Variants in EXOC4 observed in about 807,000 individuals in gnomAD.
EXOC4 encodes the protein exocyst complex component 4.
Under a neutral mutation model 107.2 loss-of-function variants are expected in EXOC4, and 71 were observed. The observed-to-expected ratio is 0.66, with a 90% confidence interval of 0.55 to 0.81. The LOEUF (loss-of-function observed/expected upper bound fraction) is 0.81, where lower values mean the gene tolerates loss of function less well. EXOC4 is among the 30% of genes least tolerant of loss of function. The pLI is 0.00. For missense variants in EXOC4, 1,108 were observed against 1,189.6 expected, an observed-to-expected ratio of 0.93 and a Z score of 1.01; for synonymous variants, 456 against 441.2, an observed-to-expected ratio of 1.03 and a Z score of -0.42.
intron 7 of EXOC4, among the ~76,000 whole-genome samples, chr7:133,445,617 T>TGCAAACAA (rs1554454123): frequency 6.6e-6 from 1 of 150,468 alleles, no homozygotes; most frequent in African/African-American, 2.4e-5. Context: ...GGACAGTTAC[T>TGCAAACAA]ACAAACAAAC....
chr7:133,829,395 C>T (rs1797764674), intron 11 of EXOC4, among the ~76,000 whole-genome samples: 2 of 152,170 alleles, frequency 1.3e-5, no homozygotes, highest in African/African-American at 4.8e-5. Flanking sequence ...AGGCAGAGAG[C>T]CTGGGGTCCC....
chr7:133,928,093 A>G (rs377388516), intron 13 of EXOC4, among the ~76,000 whole-genome samples: 1 of 152,176 alleles, frequency 6.6e-6, no homozygotes, highest in Non-Finnish European at 1.5e-5. Context: ...TCTAAATTTC[A>G]TTTTTATTTA....
chr7:134,044,693 G>A (rs1585347935), intron 17 of EXOC4, among the ~76,000 whole-genome samples: 1 of 152,192 alleles, frequency 6.6e-6, no homozygotes, highest in South Asian at 2.1e-4. Context: ...TTAGCACAAT[G>A]TGCACACTTG....
At chr7:133,408,074 T>C (rs1304366657) in intron 7 of EXOC4, among the ~76,000 whole-genome samples, 3 of 151,958 alleles carry the variant, frequency 2.0e-5, no homozygotes, top group Non-Finnish European at 2.9e-5. Context: ...GTTGATGGTG[T>C]AATAGATGAT....
chr7:133,895,468 A>T (rs545914847), intron 11 of EXOC4, 131 bp from the exon 12 acceptor site: 2 of 940,964 alleles, frequency 2.1e-6, no homozygotes, highest in South Asian at 1.6e-5. Context: ...TTTTGAGTTC[A>T]TATTTCAAAA....
chr7:133,552,231 C>T (rs1457251224), intron 9 of EXOC4, among the ~76,000 whole-genome samples: 3 of 152,126 alleles, frequency 2.0e-5, no homozygotes, highest in Non-Finnish European at 2.9e-5. Flanking sequence ...ATTCAGACCT[C>T]ATAAAAATGC....
At chr7:133,357,235 A>T (rs1374263306) in intron 6 of EXOC4, among the ~76,000 whole-genome samples, 1 of 152,238 alleles carries the variant, frequency 6.6e-6, no homozygotes, top group Non-Finnish European at 1.5e-5. Context: ...TATGTATATT[A>T]TCTCACTTAA....
intron 9 of EXOC4, among the ~76,000 whole-genome samples, chr7:133,568,750 T>C (rs2150957152): frequency 6.6e-6 from 1 of 152,250 alleles, no homozygotes. Context: ...TGGGAATGCA[T>C]AGACAGGAAT....
chr7:133,339,194 A>T (rs1795601777), intron 5 of EXOC4, among the ~76,000 whole-genome samples: 1 of 152,038 alleles, frequency 6.6e-6, no homozygotes, highest in Admixed American at 6.6e-5. Flanking sequence ...TGTGAATGCC[A>T]TTATTTTGTT....
rs140933292 is a variant in EXOC4 at position 133,843,629 on chromosome 7, C to A, written c.1734+26085C>A. On this transcript the variant is annotated intron_variant, in intron 11 of 17. Coordinates refer to ENST00000253861, the MANE Select transcript of EXOC4 (RefSeq NM_021807.4). ...TCTGAAAACAGGAATAGTTTGACTTCCTCTCTTCCTATTTGGATGCCTTTT... is the reference window on the plus strand; with the variant it reads ...TCTGAAAACAGGAATAGTTTGACTTACTCTCTTCCTATTTGGATGCCTTTT... 3.1e-4 allele frequency among the ~76,000 whole-genome samples: 47 copies of A among 152,264 alleles called. 1 individual carries two copies. The highest frequency in any genetic ancestry group is 1.1e-3 in the African/African-American group (47 of 41,546).
In EXOC4 at chr7:133,857,261, A is replaced by G. The variant is rs1210583011; in HGVS notation, c.1735-38338A>G. 9.0e-5 allele frequency among the ~76,000 whole-genome samples: 4 copies of G among 44,448 alleles called. 1 individual carries two copies. Among genetic ancestry groups the G allele is most frequent in the African/African-American group, 6.0e-4 (4 of 6,618 alleles). The allele number at this position is 44,448 out of a possible 152,430, so 29.2% of individuals were successfully genotyped here. On this transcript the variant is annotated intron_variant, in intron 11 of 17. Coordinates refer to ENST00000253861, the MANE Select transcript of EXOC4 (RefSeq NM_021807.4). ...TAGTGTCACATATATATATATATAT[A>G]TATATATATATACACGTATATATAT... is the stretch of plus-strand genomic sequence containing the variant.
At chr7:133,672,369 C>G (rs1376945092) in intron 10 of EXOC4, among the ~76,000 whole-genome samples, 4 of 140,840 alleles carry the variant, frequency 2.8e-5, no homozygotes, top group African/African-American at 1.1e-4. Context: ...CCAGCCTGGG[C>G]GACAGAGTGA....
In EXOC4 at chr7:133,331,461, CTTTTTTTTTTTTTTTTT is replaced by C. The variant is rs58568173; in HGVS notation, c.763+14078_763+14094del. On this transcript the variant is annotated intron_variant, in intron 5 of 17. Coordinates refer to ENST00000253861, the MANE Select transcript of EXOC4 (RefSeq NM_021807.4). ...TCAGGTATTATCTTCTTTCTTTTTT[CTTTTTTTTTTTTTTTTT>C]TTTTTTGAGATGGAGTCTCGCTGTC... 1.6e-4 allele frequency among the ~76,000 whole-genome samples: 14 copies of C among 85,602 alleles called. 1 individual carries two copies. Among genetic ancestry groups the C allele is most frequent in the Non-Finnish European group, 3.0e-4 (13 of 43,956 alleles). The allele number at this position is 85,602 out of a possible 152,430, so 56.2% of individuals were successfully genotyped here.
chr7:133,513,827 T>G, intron 9 of EXOC4, among the ~76,000 whole-genome samples: 1 of 152,218 alleles, frequency 6.6e-6, no homozygotes, highest in South Asian at 2.1e-4. Flanking sequence ...TTTTGTTTAC[T>G]TTCAATTCTT....
chr7:133,457,345 T>C (rs1798486474), intron 7 of EXOC4, among the ~76,000 whole-genome samples: 1 of 152,104 alleles, frequency 6.6e-6, no homozygotes, highest in South Asian at 2.1e-4. Context: ...TTTGGGGAAA[T>C]ACAAAGGGAT....
In EXOC4 at chr7:134,007,808, C is replaced by G; in HGVS notation, c.2660C>G (p.Ser887Trp). ...CAGAATTTGACCAACATCACCATGT[C>G]GCGGGAGGCAGACCTGGACTTTGCA... ...LQQNLTNITM[S>W]READLDFARQ... Residue 887 changes from serine (S) to tryptophan (W), a missense_variant, in exon 17 of 18, where the codon TCG (serine) becomes TGG (tryptophan). Coordinates refer to ENST00000253861, the MANE Select transcript of EXOC4 (RefSeq NM_021807.4). 6.2e-7 allele frequency: 1 copy of G among 1,613,292 alleles called. No individual in the cohort carries two copies. The highest frequency in any genetic ancestry group is 2.2e-5 in the East Asian group (1 of 44,866).
At chr7:133,489,324 T>G (rs1327424937) in intron 9 of EXOC4, among the ~76,000 whole-genome samples, 2 of 152,204 alleles carry the variant, frequency 1.3e-5, no homozygotes, top group Non-Finnish European at 2.9e-5. Flanking sequence ...CACTCATACA[T>G]TTCATAAAAT....
intron 9 of EXOC4, among the ~76,000 whole-genome samples, chr7:133,592,407 A>G (rs1801570516): frequency 6.6e-6 from 1 of 151,720 alleles, no homozygotes; most frequent in Non-Finnish European, 1.5e-5. Flanking sequence ...GAGTCCTAGA[A>G]AGATCTACCC....
At chr7:133,678,149 C>T (rs1349803325) in intron 10 of EXOC4, among the ~76,000 whole-genome samples, 1 of 152,104 alleles carries the variant, frequency 6.6e-6, no homozygotes, top group African/African-American at 2.4e-5. Context: ...CACAAATAGC[C>T]TTCTCTTGTT....
Sources: allele counts gnomAD v4.1 joint callset (sites outside exome capture counted in the v4.1 genomes callset), GRCh38; gene constraint gnomAD v4.1.1; transcripts MANE v1.5; gene names NCBI Gene and HGNC (gene_info 2026-07-23, HGNC 2026-07-21).